ZMYND10: variants seen among roughly 807,000 people sequenced by gnomAD.
The protein encoded by ZMYND10 is zinc finger MYND-type containing 10, also known as zinc finger MYND domain-containing protein 10.
In ZMYND10, 52 loss-of-function variants were observed where a neutral mutation model predicts 62.6. The ratio of observed to expected loss-of-function variants is 0.83; its 90% CI spans 0.67 to 1.05. ZMYND10 has a LOEUF of 1.05. Among genes scored for constraint, ZMYND10 ranks in the 50% least tolerant of loss-of-function variants. The probability of loss-of-function intolerance (pLI) is 0.00; values close to 1 mark genes in which losing one functional copy is unlikely to be tolerated. For synonymous variants in ZMYND10, 197 were observed against 218.5 expected, an observed-to-expected ratio of 0.90 and a Z score of 0.87; for missense variants, 438 against 543.3, an observed-to-expected ratio of 0.81 and a Z score of 1.93.
rs761057989 is a variant in ZMYND10, at chr3:50,341,379, A to T, written c.*31T>A. 2 of 1,613,192 alleles carry T rather than the reference A, an allele frequency of 1.2e-6. No homozygotes were observed. Among genetic ancestry groups the T allele is most frequent in the Admixed American group, 3.3e-5 (2 of 60,022 alleles). On this transcript the variant is annotated 3_prime_UTR_variant, in exon 12 of 12. Coordinates refer to ENST00000231749, the MANE Select transcript of ZMYND10 (RefSeq NM_015896.4). ...TGCATTCTGGGTGGATTCCCTTGGC[A>T]TGGGTGGTCGGCCCTCAGCAACTGC...
At position 50,341,371 on chromosome 3, in the gene ZMYND10, C is replaced by T. The variant is rs78166579; in HGVS notation, c.*39G>A. ...TTCAGGGGTGCATTCTGGGTGGATTCCCTTGGCATGGGTGGTCGGCCCTCA... is the reference window on the plus strand; with the variant it reads ...TTCAGGGGTGCATTCTGGGTGGATTTCCTTGGCATGGGTGGTCGGCCCTCA... On this transcript the variant is annotated 3_prime_UTR_variant, in exon 12 of 12. Transcript: ENST00000231749. The T allele has an allele frequency of 0.032, 51,396 of 1,611,920 alleles. 951 individuals are homozygous for T. Among genetic ancestry groups the T allele is most frequent in the Middle Eastern group, 0.043 (252 of 5,904 alleles).
chr3:50,345,109 G>A lies in ZMYND10; in HGVS notation c.201+15C>T, dbSNP rs1355092180. ...ATGGGGGAAGGCAGGAACCCTGCCT[G>A]TGACCTCGGGGTACCTTCCCATGGG... On this transcript the variant is annotated intron_variant, in intron 2 of 11. Transcript: ENST00000231749. The surrounding 1 kb of genome is among the most constrained non-coding windows in gnomAD (Gnocchi z 5.0). 1 of 1,611,316 alleles carries A rather than the reference G, an allele frequency of 6.2e-7. No individual in the cohort carries two copies. Among genetic ancestry groups the A allele is most frequent in the South Asian group, 1.1e-5 (1 of 90,478 alleles).
rs1036078455 is a variant in ZMYND10 at position 50,343,367 on chromosome 3, G to C, written c.450C>G (p.Ala150=). The C allele has an allele frequency of 1.1e-5, 17 of 1,613,588 alleles. No individual in the cohort carries two copies. The highest frequency in any genetic ancestry group is 1.4e-5 in the Non-Finnish European group (17 of 1,179,744). Residue 150 remains alanine (A), a synonymous_variant, in exon 5 of 12, where the codon GCC becomes GCG. Transcript: ENST00000231749. ...YCHRKLTLLV[A]QSGCGGPPEG... is the part of the protein sequence containing the mutation. Reference sequence around the variant, plus strand: ...CAGGGGGGCCACCACAGCCACTCTGGGCCACCAGCAGGGTCAGTTTGCGGT... The same window carrying C: ...CAGGGGGGCCACCACAGCCACTCTGCGCCACCAGCAGGGTCAGTTTGCGGT...
Position 50,343,194 on chromosome 3 carries a change from G to A in ZMYND10, c.523C>T (p.Gln175Ter). 1.9e-6 allele frequency: 3 copies of A among 1,614,206 alleles called. No individual in the cohort carries two copies. The South Asian group carries it at 3.3e-5, about 18-fold the overall frequency. ...DSNPMQELQK[Q>*]AELMEFEIAL... ...ATCTCAAATTCCATCAGCTCTGCCT[G>A]CTTCTGCAGCTCCTGGGAGGTCACA... The change falls in exon 6 of 12, where the codon CAG (glutamine) becomes TAG (stop). Residue 175 changes from glutamine to a stop codon, truncating the protein, a stop_gained. Transcript: ENST00000231749. LOFTEE classifies it high-confidence loss of function.
chr3:50,343,064 A>G, intron 6 of ZMYND10, 46 bp from the exon 7 acceptor site: 1 of 1,613,974 alleles, frequency 6.2e-7, no homozygotes, highest in Non-Finnish European at 8.5e-7. Context: ...GGCAGGCTAC[A>G]GGCCCGGTCT....
At position 50,345,280 on chromosome 3, in the gene ZMYND10, G is replaced by A. The variant is rs773059937; in HGVS notation, c.93-48C>T. The stretch of plus-strand genomic sequence containing the variant: ...GTGCGTCCACGTGTGTGCATTAGGA[G>A]TGGGGATGGGGGCTGGATCCTACTG... On this transcript the variant is annotated intron_variant, in intron 1 of 11. Transcript: ENST00000231749. This position sits in a 1 kb window ranked among gnomAD's most constrained non-coding sequence, Gnocchi z 5.0. The A allele has an allele frequency of 1.4e-5, 23 of 1,587,224 alleles. No individual in the cohort carries two copies. The highest frequency in any genetic ancestry group is 1.7e-5 in the Non-Finnish European group (20 of 1,162,984).
intron 2 of ZMYND10, 194 bp downstream of exon 2, chr3:50,344,930 C>T (rs1403581238): frequency 8.7e-6 from 5 of 575,208 alleles, no homozygotes; most frequent in Admixed American, 3.0e-5. Context: ...TCAACTCATG[C>T]CCTGCACCCA....
Position 50,341,935 on chromosome 3 carries a change from GGA to G in ZMYND10, c.1000-6_1000-5del. 6.2e-7 allele frequency: 1 copy of G among 1,614,208 alleles called. No homozygotes were observed. Among genetic ancestry groups the G allele is most frequent in the Non-Finnish European group, 8.5e-7 (1 of 1,180,028 alleles). On this transcript the variant is annotated splice_polypyrimidine_tract_variant and splice_region_variant and intron_variant, in intron 9 of 11. Transcript: ENST00000231749. ...GCCGCTCCCAGATTTCTGGGATCTA[GGA>G]GAGAGAAGTGGAGAGTGGCAGGAAG...
At chr3:50,343,093 GC>G (rs1172966652) in intron 6 of ZMYND10, 24 bp downstream of exon 6, 1 of 1,614,102 alleles carries the variant, frequency 6.2e-7, no homozygotes, top group Admixed American at 1.7e-5. Flanking sequence ...TCCACAGTAG[GC>G]CCAGGCCCAG....
Position 50,342,994 on chromosome 3 carries a change from A to G in ZMYND10, c.624T>C (p.Arg208=). 5 of 1,614,114 alleles carry G rather than the reference A, an allele frequency of 3.1e-6. No homozygotes were observed. The highest frequency in any genetic ancestry group is 4.2e-6 in the Non-Finnish European group (5 of 1,179,980). The change falls in exon 7 of 12, where the codon CGT becomes CGC. Residue 208 remains arginine (R), a synonymous_variant. Transcript: ENST00000231749. ...AGGGCAGGTTGTGTGTGCTAAGCATACGGCTCAAGGTGCTGAGAGAGAGGC... is the reference window on the plus strand; with the variant it reads ...AGGGCAGGTTGTGTGTGCTAAGCATGCGGCTCAAGGTGCTGAGAGAGAGGC... ...VDSLSLSTLS[R]MLSTHNLPCL...
Position 50,341,646 on chromosome 3 carries a change from G to A in ZMYND10, c.1175C>T (p.Pro392Leu), listed in dbSNP as rs1257443831. 1 of 1,614,248 alleles carries A rather than the reference G, an allele frequency of 6.2e-7. No individual in the cohort carries two copies. The highest frequency in any genetic ancestry group is 1.7e-5 in the Admixed American group (1 of 60,034). Residue 392 changes from proline (P) to leucine (L), a missense_variant, in exon 11 of 12, where the codon CCC becomes CTC. Coordinates refer to ENST00000231749, the MANE Select transcript of ZMYND10 (RefSeq NM_015896.4). ...CTCTGCACTGCAGTAAGCACAGCGG[G>A]GCCGCTCTGGAGCCACTGCCTCTAG... The part of the protein sequence containing the change: ...DVLEAVAPER[P>L]RCAYCSAEAS...
At position 50,343,534 on chromosome 3, in the gene ZMYND10, G is replaced by A. The variant is rs371800180; in HGVS notation, c.372+29C>T. On this transcript the variant is annotated intron_variant, in intron 4 of 11. Transcript: ENST00000231749. The stretch of plus-strand genomic sequence containing the variant: ...TCCTGCCAGGCCCTGACCCGGAACT[G>A]TGGCCCATGGGCAGAGATAGTCCCT... 5.8e-5 allele frequency: 94 copies of A among 1,614,202 alleles called. 1 individual carries two copies. The African/African-American group carries it at 1.2e-3, about 20-fold the overall frequency.
intron 2 of ZMYND10, 45 bp from the exon 3 acceptor site, chr3:50,343,895 T>C (rs749666069): frequency 1.3e-6 from 2 of 1,581,650 alleles, no homozygotes; most frequent in Admixed American, 3.3e-5. Context: ...GGGCCTACCT[T>C]TGCCTGGCAA....
Position 50,342,537 on chromosome 3 carries a change from G to C in ZMYND10, c.733C>G (p.His245Asp). The change falls in exon 8 of 12, where the codon CAT becomes GAT. Residue 245 changes from histidine (H) to aspartate (D), a missense_variant. Transcript: ENST00000231749. ...KLQQFEGSRW[H>D]TVAPSEQQKL... ...TGCTGCTCTGAGGGGGCCACAGTAT[G>C]CCAACGGCTGCCCTCGAACTGCTGC... is the stretch of plus-strand genomic sequence containing the variant. The C allele has an allele frequency of 6.2e-7, 1 of 1,613,696 alleles. No individual in the cohort carries two copies. The highest frequency in any genetic ancestry group is 8.5e-7 in the Non-Finnish European group (1 of 1,179,680).
Position 50,345,679 on chromosome 3 carries a change from G to T in ZMYND10, c.-100C>A. ...CCGACGGTGCCAAAGTCTGGGACAG[G>T]ACAGTTGCGGGACGGTTGGGGAGCG... On this transcript the variant is annotated 5_prime_UTR_variant, in exon 1 of 12. Coordinates refer to ENST00000231749, the MANE Select transcript of ZMYND10 (RefSeq NM_015896.4). The surrounding 1 kb of genome is among the most constrained non-coding windows in gnomAD (Gnocchi z 5.0). 3.9e-6 allele frequency: 6 copies of T among 1,524,922 alleles called. No homozygotes were observed. Among genetic ancestry groups the T allele is most frequent in the South Asian group, 1.2e-5 (1 of 81,904 alleles). 94.5% of individuals were successfully genotyped at this position (1,524,922 alleles called of 1,614,324 possible). A position where few individuals can be genotyped will look rare whatever the true frequency, so the allele number is the denominator to read the frequency against.
intron 7 of ZMYND10, 149 bp downstream of exon 7, chr3:50,342,769 G>A: frequency 6.8e-7 from 1 of 1,475,560 alleles, no homozygotes; most frequent in Non-Finnish European, 9.0e-7. Context: ...GCAGAGCTCA[G>A]GTCTAGGCCA....
rs768120521 is a variant in ZMYND10 at position 50,342,453 on chromosome 3, G to A, written c.817C>T (p.Pro273Ser). 15 of 1,611,518 alleles carry A rather than the reference G, an allele frequency of 9.3e-6. No individual in the cohort carries two copies. The highest frequency in any genetic ancestry group is 1.3e-5 in the Non-Finnish European group (15 of 1,178,886). The change falls in exon 8 of 12, where the codon CCT becomes TCT. Residue 273 changes from proline to serine, a missense_variant. Transcript: ENST00000231749. ...WIALYNLLLS[P>S]EAQARYCLTS... is the part of the protein sequence containing the mutation. ...AGGCAGTAGCGCGCCTGAGCCTCAG[G>A]GCTTAGCAGCAGGTTGTACAGGGCG...
intron 4 of ZMYND10, 57 bp downstream of exon 4, chr3:50,343,506 C>G: frequency 6.2e-7 from 1 of 1,614,176 alleles, no homozygotes; most frequent in Non-Finnish European, 8.5e-7. Context: ...ACACAATCTC[C>G]CTTCCTGCCA....
chr3:50,345,183 G>A lies in ZMYND10; in HGVS notation c.142C>T (p.Leu48Phe). 2 of 1,614,088 alleles carry A rather than the reference G, an allele frequency of 1.2e-6. No homozygotes were observed. ...TCGCCCTGGCTGACTGTGGCATCGA[G>A]GATGGCTTGCATGTTCAGCTTCTCC... ...NLEKLNMQAI[L>F]DATVSQGEPI... The change falls in exon 2 of 12, where the codon CTC (leucine) becomes TTC (phenylalanine). Residue 48 changes from leucine to phenylalanine, a missense_variant. Leu to Phe is a conservative substitution (Grantham distance 22, BLOSUM62 0). Transcript: ENST00000231749. This position sits in a 1 kb window ranked among gnomAD's most constrained non-coding sequence, Gnocchi z 5.0.
Sources: gnomAD v4.1 joint callset for allele counts on GRCh38, gnomAD v4.1.1 for gene constraint, Gnocchi (gnomAD v3.1) non-coding constraint, MANE v1.5 for transcripts, NCBI Gene and HGNC (gene_info 2026-07-23, HGNC 2026-07-21) for gene names.